Variants in PDILT observed in about 807,000 individuals in gnomAD.
PDILT encodes the protein protein disulfide-isomerase-like protein of the testis.
A neutral mutation model predicts 53.7 loss-of-function variants in PDILT; 43 were observed. The observed-to-expected ratio is 0.80, with a 90% confidence interval of 0.63 to 1.03. PDILT has a LOEUF of 1.03. Ranked by LOEUF, PDILT falls within the 50% of genes least tolerant of loss-of-function variation. PDILT has a pLI of 0.00. For missense variants in PDILT, 727 were observed against 712.3 expected (o/e 1.02, Z -0.24); for synonymous variants, 282 against 274.2 (o/e 1.03, Z -0.28).
At chr16:20,384,584 T>A in intron 3 of PDILT, 61 bp downstream of exon 3, 1 of 1,596,868 alleles carries the variant, frequency 6.3e-7, no homozygotes, top group South Asian at 1.1e-5. Context: ...ACCTTTACCC[T>A]ATAGCTGTTA....
At chr16:20,366,882 C>A (rs1038410087) in intron 8 of PDILT, among the ~76,000 whole-genome samples, 1 of 152,096 alleles carries the variant, frequency 6.6e-6, no homozygotes, top group African/African-American at 2.4e-5. Flanking sequence ...AAGCAGGGCT[C>A]TATTTCTACC....
In PDILT at chr16:20,399,280, G is replaced by A; in HGVS notation, c.21C>T (p.Pro7=). The A allele has an allele frequency of 6.2e-7, 1 of 1,614,014 alleles. No homozygotes were observed. The highest frequency in any genetic ancestry group is 8.5e-7 in the Non-Finnish European group (1 of 1,179,914). Residue 7 remains proline (P), a synonymous_variant, in exon 2 of 12, where the codon CCC becomes CCT. Coordinates refer to ENST00000302451, the MANE Select transcript of PDILT (RefSeq NM_174924.2). ...AGACACAAGCGGCCACCAGCAGCAG[G>A]GGCATCCAGAGTAGGTCCATGGCTG... The part of the protein sequence containing the change: MDLLWM[P]LLLVAACVSA...
rs1966327545 is a variant in PDILT, at chr16:20,372,935, G to T, written c.793-8C>A. 2 of 1,613,912 alleles carry T rather than the reference G, an allele frequency of 1.2e-6. No individual in the cohort carries two copies. The highest frequency in any genetic ancestry group is 2.2e-5 in the East Asian group (1 of 44,902). ...GGAAATCAGATCCTTATTCTGAAAT[G>T]ACCAGGAAAATATGTCATCCCAAGC... On this transcript the variant is annotated splice_region_variant and splice_polypyrimidine_tract_variant and intron_variant, in intron 6 of 11. Coordinates refer to ENST00000302451, the MANE Select transcript of PDILT (RefSeq NM_174924.2).
chr16:20,388,634 A>G (rs112462318), intron 2 of PDILT, among the ~76,000 whole-genome samples: 20,579 of 152,246 alleles, frequency 0.14, 1,736 homozygotes, highest in African/African-American at 0.23. Flanking sequence ...AAATTGGGCC[A>G]GGCGTGGTGA....
chr16:20,359,624 TAA>T lies in PDILT; in HGVS notation c.1507-59_1507-58del. ...GGGAGGGAAGAAAGGGAGAAAGAAA[TAA>T]AGAGGCAAGAAATATGTCATCATTG... On this transcript the variant is annotated intron_variant, in intron 11 of 11. Coordinates refer to ENST00000302451, the MANE Select transcript of PDILT (RefSeq NM_174924.2). 5 of 1,511,738 alleles carry T rather than the reference TAA, an allele frequency of 3.3e-6. No individual in the cohort carries two copies. The South Asian group carries it at 3.5e-5, about 11-fold the overall frequency. 93.6% of individuals were successfully genotyped at this position (1,511,738 alleles called of 1,614,324 possible).
chr16:20,399,976 T>C (rs762026505), intron 1 of PDILT, among the ~76,000 whole-genome samples: 48 of 152,000 alleles, frequency 3.2e-4, no homozygotes, highest in Admixed American at 7.9e-4. Context: ...CTTACAGATA[T>C]TGAAAATATC....
chr16:20,371,891 C>G (rs1966312198), intron 7 of PDILT, among the ~76,000 whole-genome samples: 1 of 151,646 alleles, frequency 6.6e-6, no homozygotes, highest in South Asian at 2.1e-4. Context: ...TGATTTGAAC[C>G]ATCTTTTTTG....
At chr16:20,361,589 C>A (rs1296316346) in intron 10 of PDILT, among the ~76,000 whole-genome samples, 2 of 152,172 alleles carry the variant, frequency 1.3e-5, no homozygotes, top group African/African-American at 4.8e-5. Flanking sequence ...CCTCTCAGCC[C>A]AGCCTCAGTA....
At chr16:20,388,481 T>C (rs555133095) in intron 2 of PDILT, among the ~76,000 whole-genome samples, 21 of 152,186 alleles carry the variant, frequency 1.4e-4, no homozygotes, top group Non-Finnish European at 2.8e-4. Flanking sequence ...AAAATCTTTT[T>C]CTTGGAGCAG....
chr16:20,362,320 G>C (rs1966116424), intron 10 of PDILT, 84 bp downstream of exon 10: 1 of 1,429,844 alleles, frequency 7.0e-7, no homozygotes, highest in Non-Finnish European at 9.6e-7. Context: ...TTGGTAGAAA[G>C]CGCAGCTGGT....
intron 2 of PDILT, among the ~76,000 whole-genome samples, chr16:20,394,364 C>T (rs1249564202): frequency 6.6e-6 from 1 of 152,170 alleles, no homozygotes; most frequent in Non-Finnish European, 1.5e-5. Flanking sequence ...AAGGTCATTT[C>T]AAGGCTTTTA....
intron 9 of PDILT, among the ~76,000 whole-genome samples, chr16:20,363,928 A>G (rs1160935623): frequency 2.0e-5 from 3 of 152,144 alleles, no homozygotes; most frequent in Admixed American, 1.3e-4. Context: ...CTTTCCTTCT[A>G]CTAGAGCTCA....
At chr16:20,384,960 C>T (rs1020902297) in intron 2 of PDILT, 109 bp from the exon 3 acceptor site, 14 of 989,268 alleles carry the variant, frequency 1.4e-5, no homozygotes, top group Middle Eastern at 2.5e-4. Flanking sequence ...TTGTGCTCAG[C>T]GGTTAATGGC....
intron 11 of PDILT, 94 bp from the exon 12 acceptor site, chr16:20,359,661 T>G: frequency 8.1e-7 from 1 of 1,232,106 alleles, no homozygotes. Flanking sequence ...GTGGTTGTAA[T>G]AGTCAAGCCT....
chr16:20,375,941 T>C, intron 4 of PDILT, 127 bp downstream of exon 4: 1 of 1,241,344 alleles, frequency 8.1e-7, no homozygotes, highest in Non-Finnish European at 1.1e-6. Flanking sequence ...GAGCTTCCCC[T>C]AAAAACCAGA....
intron 1 of PDILT, among the ~76,000 whole-genome samples, chr16:20,400,078 T>TTTTTTTTA (rs1966717402): frequency 6.7e-6 from 1 of 148,360 alleles, no homozygotes; most frequent in African/African-American, 2.5e-5. Context: ...ATATATTTTT[T>TTTTTTTTA]GAGACGGAGT....
rs1384376374 is a variant in PDILT, at chr16:20,367,095, CT to C, written c.1117-1556del. ...TCTTTCTTTCTTTCTTTCTTTCTTTCTTTCTTTCTTCCTTTCTTTCCTTTTG... is the reference window on the plus strand; with the variant it reads ...TCTTTCTTTCTTTCTTTCTTTCTTTCTTCTTTCTTCCTTTCTTTCCTTTTG... On this transcript the variant is annotated intron_variant, in intron 8 of 11. Transcript: ENST00000302451. Among the ~76,000 whole-genome samples the C allele has an allele frequency of 1.3e-3, 117 of 89,854 alleles. 4 individuals carry two copies. Among genetic ancestry groups the C allele is most frequent in the African/African-American group, 4.2e-3 (90 of 21,282 alleles). The allele number at this position is 89,854 out of a possible 152,430, so 58.9% of individuals were successfully genotyped here. A position where few individuals can be genotyped will look rare whatever the true frequency, so the allele number is the denominator to read the frequency against.
At chr16:20,372,716 A>G (rs1303323829) in intron 7 of PDILT, 86 bp downstream of exon 7, 1 of 1,465,260 alleles carries the variant, frequency 6.8e-7, no homozygotes, top group Admixed American at 2.1e-5. Context: ...AATTTATAAT[A>G]AGCAGGGCAG....
intron 8 of PDILT, among the ~76,000 whole-genome samples, chr16:20,366,705 C>T (rs1966195848): frequency 6.6e-6 from 1 of 152,180 alleles, no homozygotes; most frequent in African/African-American, 2.4e-5. Flanking sequence ...TATTTTTTAT[C>T]TACAACCATT....
Sources: gnomAD v4.1 joint callset for allele counts (sites outside exome capture counted in the v4.1 genomes callset) on GRCh38, gnomAD v4.1.1 for gene constraint, MANE v1.5 for transcripts, NCBI Gene and HGNC (gene_info 2026-07-23, HGNC 2026-07-21) for gene names.